SHISAL1: variants seen among roughly 807,000 people sequenced by gnomAD.
The protein encoded by SHISAL1 is protein shisa-like-1.
A neutral mutation model predicts 22.6 loss-of-function variants in SHISAL1; 9 were observed. The ratio of observed to expected loss-of-function variants is 0.40; its 90% CI spans 0.24 to 0.70. The LOEUF (loss-of-function observed/expected upper bound fraction) is 0.70. Among genes scored for constraint, SHISAL1 ranks in the 30% least tolerant of loss-of-function variants. The pLI is 0.39. For synonymous variants in SHISAL1, 119 were observed against 115.4 expected, an observed-to-expected ratio of 1.03 and a Z score of -0.20; for missense variants, 246 against 270.6, an observed-to-expected ratio of 0.91 and a Z score of 0.64.
chr22:44,264,537 A>C (rs985176473), intron 4 of SHISAL1, among the ~76,000 whole-genome samples: 1 of 151,608 alleles, frequency 6.6e-6, no homozygotes, highest in Non-Finnish European at 1.5e-5. Flanking sequence ...GGTTTGGGGC[A>C]CAGGTGGGGT....
At chr22:44,259,273 C>G (rs1190959602) in intron 4 of SHISAL1, among the ~76,000 whole-genome samples, 1 of 151,842 alleles carries the variant, frequency 6.6e-6, no homozygotes, top group East Asian at 1.9e-4. Flanking sequence ...ACCCCGTCTA[C>G]TAAAAATACA....
chr22:44,291,798 C>A (rs969113115), intron 3 of SHISAL1, among the ~76,000 whole-genome samples: 11 of 151,470 alleles, frequency 7.3e-5, no homozygotes, highest in African/African-American at 2.4e-4. Context: ...TGACCACATC[C>A]CCTGCACGCC....
chr22:44,265,009 C>A (rs969270330), intron 4 of SHISAL1, among the ~76,000 whole-genome samples: 1 of 144,116 alleles, frequency 6.9e-6, no homozygotes, highest in Non-Finnish European at 1.5e-5. Flanking sequence ...CAACAGAGAC[C>A]CCAACACACA....
At chr22:44,322,715 C>T in the SHISAL1 span, among the ~76,000 whole-genome samples, 3 of 152,116 alleles carry the variant, frequency 2.0e-5, no homozygotes, top group Admixed American at 6.5e-5. Context: ...TGTGAGGGAA[C>T]CAAGGAGCCT....
the SHISAL1 span, among the ~76,000 whole-genome samples, chr22:44,319,590 G>C: frequency 2.0e-5 from 3 of 152,130 alleles, no homozygotes; most frequent in Non-Finnish European, 4.4e-5. Context: ...ACGATGTCCC[G>C]GCAGACCCCG....
Position 44,248,202 on chromosome 22 carries a change from G to A in SHISAL1, c.*1483C>T, listed in dbSNP as rs1250410022. The A allele has an allele frequency of 1.3e-5, 2 of 152,016 alleles. No homozygotes were observed. Among genetic ancestry groups the A allele is most frequent in the Non-Finnish European group, 2.9e-5 (2 of 68,080 alleles). 9.4% of individuals were successfully genotyped at this position (152,016 alleles called of 1,614,324 possible). A position where few individuals can be genotyped will look rare whatever the true frequency, so the allele number is the denominator to read the frequency against. The stretch of plus-strand genomic sequence containing the variant: ...CTGCCCCAGCTAGAAAGCTAGCACA[G>A]TGAGCAGGGACCTGCCTTGCTCACT... On this transcript the variant is annotated 3_prime_UTR_variant, in exon 5 of 5. Transcript: ENST00000381176.
At chr22:44,296,459 C>T (rs960654165) in intron 3 of SHISAL1, among the ~76,000 whole-genome samples, 4 of 152,232 alleles carry the variant, frequency 2.6e-5, no homozygotes, top group African/African-American at 9.6e-5. Context: ...CGCGCCTGGC[C>T]TCTGTGTCCA....
chr22:44,298,609 C>T (rs1464153874), intron 2 of SHISAL1, among the ~76,000 whole-genome samples: 1 of 152,214 alleles, frequency 6.6e-6, no homozygotes, highest in African/African-American at 2.4e-5. Context: ...GGCACACTCA[C>T]GCTGCTGGGC....
intron 4 of SHISAL1, among the ~76,000 whole-genome samples, chr22:44,261,231 A>G (rs2055122310): frequency 6.8e-6 from 1 of 146,038 alleles, no homozygotes; most frequent in Non-Finnish European, 1.5e-5. Context: ...CCTCTTAACA[A>G]CAGAACTGTT....
intron 4 of SHISAL1, among the ~76,000 whole-genome samples, chr22:44,270,480 G>C (rs1386226673): frequency 6.6e-6 from 1 of 152,218 alleles, no homozygotes; most frequent in Non-Finnish European, 1.5e-5. Flanking sequence ...ATTTATGATA[G>C]GGACTTGAGT....
upstream of SHISAL1, among the ~76,000 whole-genome samples, chr22:44,315,277 T>C (rs1309981980): frequency 6.6e-6 from 1 of 152,074 alleles, no homozygotes; most frequent in Non-Finnish European, 1.5e-5. Context: ...AAATAATGAT[T>C]ACAGTACCCC....
the SHISAL1 span, among the ~76,000 whole-genome samples, chr22:44,326,190 G>A: frequency 5.4e-4 from 82 of 152,282 alleles, 2 homozygotes; most frequent in South Asian, 8.3e-3. Flanking sequence ...CATCGTTTCC[G>A]TGACAAGCTC....
At chr22:44,268,404 G>A (rs978521152) in intron 4 of SHISAL1, among the ~76,000 whole-genome samples, 4 of 152,168 alleles carry the variant, frequency 2.6e-5, no homozygotes, top group African/African-American at 7.2e-5. Context: ...CAGATAGAAG[G>A]TCAAAGAGGT....
At chr22:44,319,343 G>A in the SHISAL1 span, among the ~76,000 whole-genome samples, 7 of 152,250 alleles carry the variant, frequency 4.6e-5, no homozygotes, top group Non-Finnish European at 7.3e-5. Context: ...CTGAGCTTCT[G>A]GGACTTGGAC....
At chr22:44,315,446 GCCGGAACTGT>G (rs2055552065), upstream of SHISAL1, among the ~76,000 whole-genome samples, 1 of 152,050 alleles carries the variant, frequency 6.6e-6, no homozygotes, top group South Asian at 2.1e-4. Flanking sequence ...TGGGTGTGGT[GCCGGAACTGT>G]CCAATTCCAG....
chr22:44,294,874 G>A (rs949329865), intron 3 of SHISAL1, among the ~76,000 whole-genome samples: 3 of 152,094 alleles, frequency 2.0e-5, no homozygotes, highest in East Asian at 3.8e-4. Context: ...GAAATAACTC[G>A]AAATAAATGC....
chr22:44,266,914 C>T (rs577990691), intron 4 of SHISAL1, among the ~76,000 whole-genome samples: 3 of 152,198 alleles, frequency 2.0e-5, no homozygotes, highest in South Asian at 2.1e-4. Flanking sequence ...AACATGGAAC[C>T]TTTCTTTGCT....
At chr22:44,282,700 A>G (rs2055284986) in intron 4 of SHISAL1, among the ~76,000 whole-genome samples, 1 of 152,226 alleles carries the variant, frequency 6.6e-6, no homozygotes, top group Admixed American at 6.5e-5. Context: ...GAGATTTTGA[A>G]GAGCAGCGGC....
At chr22:44,265,059 C>G (rs1220796637) in intron 4 of SHISAL1, among the ~76,000 whole-genome samples, 3 of 152,156 alleles carry the variant, frequency 2.0e-5, no homozygotes, top group African/African-American at 7.2e-5. Context: ...CTCTCAGTCC[C>G]CCCATCTGTA....
Sources: gnomAD v4.1 joint callset for allele counts (sites outside exome capture counted in the v4.1 genomes callset) on GRCh38, gnomAD v4.1.1 for gene constraint, MANE v1.5 for transcripts, NCBI Gene and HGNC (gene_info 2026-07-23, HGNC 2026-07-21) for gene names.